STAG1: variants seen among roughly 807,000 people sequenced by gnomAD.
The protein encoded by STAG1 is STAG1 cohesin complex component.
Under a neutral mutation model 170.9 loss-of-function variants are expected in STAG1, and 26 were observed. The ratio of observed to expected loss-of-function variants is 0.15; its 90% CI spans 0.11 to 0.21. STAG1 has a LOEUF of 0.21. STAG1 is among the 10% of genes least tolerant of loss of function. The pLI is 1.00. For synonymous variants in STAG1, 514 were observed against 497.7 expected (o/e 1.03, Z -0.44); for missense variants, 964 against 1,509.5 (o/e 0.64, Z 5.99).
chr3:136,541,180 G>A (rs560834198), intron 6 of STAG1, among the ~76,000 whole-genome samples: 62 of 151,894 alleles, frequency 4.1e-4, no homozygotes, highest in Non-Finnish European at 2.6e-4. Flanking sequence ...ATAAAACCCC[G>A]TGCCCACTCC....
chr3:136,723,642 T>A (rs1933454087), intron 1 of STAG1, among the ~76,000 whole-genome samples: 1 of 131,968 alleles, frequency 7.6e-6, no homozygotes, highest in Non-Finnish European at 1.6e-5. Context: ...AGCCGCCCCG[T>A]CCGGGAGGGA....
chr3:136,454,986 AAG>A lies in STAG1; in HGVS notation c.1314-2841_1314-2840del, dbSNP rs138006119. On this transcript the variant is annotated intron_variant, in intron 13 of 33. Coordinates refer to ENST00000383202, the MANE Select transcript of STAG1 (RefSeq NM_005862.3). ...ATATTAAATGATGGAAGAATGATAA[AAG>A]AGATCATTAATCAAGTCATCAAACT... Among the ~76,000 whole-genome samples, 453 of 152,306 alleles carry A rather than the reference AAG, an allele frequency of 3.0e-3. 1 individual carries two copies. Among genetic ancestry groups the A allele is most frequent in the Admixed American group, 6.9e-3 (105 of 15,294 alleles).
intron 1 of STAG1, among the ~76,000 whole-genome samples, chr3:136,649,114 C>A (rs1341261792): frequency 2.0e-5 from 3 of 152,162 alleles, no homozygotes; most frequent in Non-Finnish European, 4.4e-5. Context: ...ATGGTTCAGA[C>A]CTCCATGCCT....
chr3:136,433,443 T>C, intron 16 of STAG1, 113 bp downstream of exon 16: 1 of 756,238 alleles, frequency 1.3e-6, no homozygotes, highest in Non-Finnish European at 2.2e-6. Flanking sequence ...AGTCCATCAT[T>C]TATAAAAACA....
chr3:136,574,330 A>ATG lies in STAG1; in HGVS notation c.298-5471_298-5470dup, dbSNP rs566732708. On this transcript the variant is annotated intron_variant, in intron 4 of 33. Coordinates refer to ENST00000383202, the MANE Select transcript of STAG1 (RefSeq NM_005862.3). The stretch of plus-strand genomic sequence containing the variant: ...AGGCCACAATAAAGGATATATATGT[A>ATG]TGTGTGTGTGTATACACACACACAC... Among the ~76,000 whole-genome samples, 154 of 150,872 alleles carry ATG rather than the reference A, an allele frequency of 1.0e-3. 1 individual carries two copies. The highest frequency in any genetic ancestry group is 7.9e-3 in the Admixed American group (119 of 15,142).
At chr3:136,408,657 T>C (rs1450054058) in intron 21 of STAG1, among the ~76,000 whole-genome samples, 1 of 152,136 alleles carries the variant, frequency 6.6e-6, no homozygotes, top group African/African-American at 2.4e-5. Flanking sequence ...AAGGATTGCT[T>C]GTAGCACACC....
chr3:136,636,093 C>T (rs904250800), intron 1 of STAG1, among the ~76,000 whole-genome samples: 7 of 151,862 alleles, frequency 4.6e-5, no homozygotes, highest in African/African-American at 1.5e-4. Context: ...ACTAAAAATA[C>T]AAAAATTAGC....
intron 6 of STAG1, among the ~76,000 whole-genome samples, chr3:136,538,724 CAT>C (rs1270788631): frequency 1.3e-5 from 2 of 152,104 alleles, no homozygotes; most frequent in East Asian, 1.9e-4. Flanking sequence ...CTGACCACCA[CAT>C]AGTTACTTCT....
chr3:136,511,977 G>A (rs1343050976), intron 7 of STAG1, among the ~76,000 whole-genome samples: 4 of 151,764 alleles, frequency 2.6e-5, no homozygotes, highest in East Asian at 1.9e-4. Flanking sequence ...AGCACTGGGC[G>A]TGTGGTGGTG....
chr3:136,454,690 T>G (rs2089055011), intron 13 of STAG1, among the ~76,000 whole-genome samples: 1 of 152,246 alleles, frequency 6.6e-6, no homozygotes, highest in Non-Finnish European at 1.5e-5. Context: ...TGTGCCAATT[T>G]AAATAATTCC....
At chr3:136,361,056 T>C (rs1264788425) in intron 26 of STAG1, among the ~76,000 whole-genome samples, 1 of 152,228 alleles carries the variant, frequency 6.6e-6, no homozygotes, top group Non-Finnish European at 1.5e-5. Context: ...AGAATACATT[T>C]TGTTGTGAAA....
At chr3:136,503,098 A>G (rs1046417300) in intron 7 of STAG1, among the ~76,000 whole-genome samples, 1 of 152,182 alleles carries the variant, frequency 6.6e-6, no homozygotes, top group Non-Finnish European at 1.5e-5. Flanking sequence ...GTAAGGGCAC[A>G]CTAATCAAGC....
intron 1 of STAG1, among the ~76,000 whole-genome samples, chr3:136,743,558 T>C (rs1282699553): frequency 1.3e-5 from 2 of 151,784 alleles, no homozygotes; most frequent in Non-Finnish European, 2.9e-5. Context: ...AACAGAAAAT[T>C]TGAATAGCCC....
chr3:136,619,756 CAAAAAAAAAAAAAA>C (rs62857261), intron 3 of STAG1, among the ~76,000 whole-genome samples: 2 of 67,750 alleles, frequency 3.0e-5, no homozygotes, highest in Middle Eastern at 0.01. Context: ...GACTCTGTCT[CAAAAAAAAAAAAAA>C]AAAAAAAAAG....
intron 6 of STAG1, among the ~76,000 whole-genome samples, chr3:136,526,977 G>C (rs2107919472): frequency 6.6e-6 from 1 of 152,188 alleles, no homozygotes; most frequent in African/African-American, 2.4e-5. Context: ...TAGTCTGATG[G>C]GCTTCCCTTT....
At chr3:136,611,440 T>A (rs545936562) in intron 3 of STAG1, among the ~76,000 whole-genome samples, 6 of 152,018 alleles carry the variant, frequency 3.9e-5, no homozygotes, top group African/African-American at 1.4e-4. Flanking sequence ...TAAGCCATCG[T>A]GCCTGGCCAT....
chr3:136,660,824 C>T (rs1456760778), intron 1 of STAG1, among the ~76,000 whole-genome samples: 2 of 151,908 alleles, frequency 1.3e-5, no homozygotes, highest in Non-Finnish European at 2.9e-5. Flanking sequence ...AAAAAATTAG[C>T]CAGGTATAGT....
At chr3:136,348,344 T>G (rs1490935665) in intron 29 of STAG1, among the ~76,000 whole-genome samples, 1 of 151,984 alleles carries the variant, frequency 6.6e-6, no homozygotes, top group Non-Finnish European at 1.5e-5. Context: ...CAGATTTTCA[T>G]GACAATTTAA....
At chr3:136,464,504 G>A (rs529331590) in intron 13 of STAG1, among the ~76,000 whole-genome samples, 8 of 152,166 alleles carry the variant, frequency 5.3e-5, no homozygotes, top group Non-Finnish European at 8.8e-5. Context: ...TTTTAAAGGT[G>A]ATACTGCTTC....
Sources: gnomAD v4.1 joint callset for allele counts (sites outside exome capture counted in the v4.1 genomes callset) on GRCh38, gnomAD v4.1.1 for gene constraint, MANE v1.5 for transcripts, NCBI Gene and HGNC (gene_info 2026-07-23, HGNC 2026-07-21) for gene names.